SLC14A2: variants seen among roughly 807,000 people sequenced by gnomAD.
SLC14A2 encodes urea transporter 2.
A neutral mutation model predicts 104.6 loss-of-function variants in SLC14A2; 91 were observed. That is an observed-to-expected ratio of 0.87 (90% CI 0.73 to 1.04). The LOEUF is 1.04. Ranked by LOEUF, SLC14A2 falls within the 50% of genes least tolerant of loss-of-function variation. The probability of loss-of-function intolerance (pLI) is 0.00; values close to 1 mark genes in which losing one functional copy is unlikely to be tolerated. For missense variants in SLC14A2, 1,189 were observed against 1,156.0 expected (o/e 1.03, Z -0.41); for synonymous variants, 476 against 466.4 (o/e 1.02, Z -0.27).
chr18:45,328,098 A>G (rs1306271143), intron 1 of SLC14A2, among the ~76,000 whole-genome samples: 1 of 152,168 alleles, frequency 6.6e-6, no homozygotes, highest in Admixed American at 6.5e-5. Context: ...ATGTTGTTCC[A>G]TAAGGATTTT....
At chr18:45,496,098 T>C (rs1328258766) in intron 2 of SLC14A2, among the ~76,000 whole-genome samples, 1 of 152,220 alleles carries the variant, frequency 6.6e-6, no homozygotes, top group East Asian at 1.9e-4. Flanking sequence ...TGAGCAGAGA[T>C]GATTCCCATT....
chr18:45,189,999 G>A, the SLC14A2 span, among the ~76,000 whole-genome samples: 750 of 152,220 alleles, frequency 4.9e-3, 9 homozygotes, highest in African/African-American at 0.017. Context: ...TGATGGTCCT[G>A]GTTTTCCACA....
At chr18:45,217,402 C>G (rs2084020389) in intron 1 of SLC14A2, among the ~76,000 whole-genome samples, 1 of 151,374 alleles carries the variant, frequency 6.6e-6, no homozygotes, top group Non-Finnish European at 1.5e-5. Context: ...AAAAGAAGAA[C>G]AAGTCTCCAC....
intron 1 of SLC14A2, among the ~76,000 whole-genome samples, chr18:45,451,368 C>T (rs1456257321): frequency 6.6e-6 from 1 of 151,798 alleles, no homozygotes. Flanking sequence ...TATCAGAAAG[C>T]AATTCAACAA....
chr18:45,321,231 T>A (rs2085181962), intron 1 of SLC14A2, among the ~76,000 whole-genome samples: 1 of 152,184 alleles, frequency 6.6e-6, no homozygotes, highest in South Asian at 2.1e-4. Flanking sequence ...AATCAGCAGT[T>A]GATACAAGAT....
chr18:45,656,266 C>A (rs535027460), intron 10 of SLC14A2, among the ~76,000 whole-genome samples: 1 of 152,192 alleles, frequency 6.6e-6, no homozygotes, highest in African/African-American at 2.4e-5. Flanking sequence ...GAACACAAAC[C>A]AGACCTTGAA....
At chr18:45,416,944 C>A (rs1005063879) in intron 1 of SLC14A2, among the ~76,000 whole-genome samples, 1 of 152,132 alleles carries the variant, frequency 6.6e-6, no homozygotes, top group African/African-American at 2.4e-5. Flanking sequence ...AAAGGATCAG[C>A]GAGGTCCCAG....
chr18:45,444,134 A>G (rs536407537), intron 1 of SLC14A2, among the ~76,000 whole-genome samples: 48 of 152,334 alleles, frequency 3.2e-4, no homozygotes, highest in African/African-American at 1.1e-3. Flanking sequence ...ATGTATCTGA[A>G]GGCAGACTTT....
intron 1 of SLC14A2, among the ~76,000 whole-genome samples, chr18:45,620,527 T>G (rs1161660375): frequency 6.6e-6 from 1 of 152,208 alleles, no homozygotes; most frequent in Non-Finnish European, 1.5e-5. Context: ...AGAACTTCCC[T>G]TGTGCAATAA....
chr18:45,673,955 A>G (rs1599163874), intron 18 of SLC14A2, 138 bp downstream of exon 18: 3 of 907,168 alleles, frequency 3.3e-6, no homozygotes, highest in African/African-American at 3.3e-5. Context: ...GTTCAGTCAC[A>G]TGAAGACGGT....
rs9966253 is a variant in SLC14A2, at chr18:45,615,838, A to T, written c.-35+256A>T. Among the ~76,000 whole-genome samples, 60,943 of 117,552 alleles carry T rather than the reference A, an allele frequency of 0.52. 12,778 individuals carry two copies. The highest frequency in any genetic ancestry group is 0.63 in the East Asian group (2,904 of 4,606). 77.1% of individuals were successfully genotyped at this position (117,552 alleles called of 152,430 possible). A position where few individuals can be genotyped will look rare whatever the true frequency, so the allele number is the denominator to read the frequency against. ...GTGTATGTGTGTGTGTGTGTGTGTG[A>T]GAGAGAGAGAGAGAGAGAGAGGGAG... On this transcript the variant is annotated intron_variant, in intron 1 of 19. Coordinates refer to ENST00000255226, the MANE Select transcript of SLC14A2 (RefSeq NM_007163.4).
At chr18:45,206,802 G>T in the SLC14A2 span, among the ~76,000 whole-genome samples, 2 of 152,138 alleles carry the variant, frequency 1.3e-5, no homozygotes, top group Non-Finnish European at 2.9e-5. Flanking sequence ...TACCTACAGG[G>T]TGCTGACTTG....
At position 45,625,882 on chromosome 18, in the gene SLC14A2, G is replaced by A. The variant is rs574392062; in HGVS notation, c.331+19G>A. ...CTGAAAGGTAGGAAAATACCCTGGG[G>A]AGAGGCAGCCAGACCAGGCCAGGCC... is the stretch of plus-strand genomic sequence containing the variant. On this transcript the variant is annotated intron_variant, in intron 3 of 19. Coordinates refer to ENST00000255226, the MANE Select transcript of SLC14A2 (RefSeq NM_007163.4). The A allele has an allele frequency of 2.8e-6, 4 of 1,430,328 alleles. No homozygotes were observed. In the East Asian group the frequency reaches 8.2e-5, roughly 29 times the overall value. The allele number at this position is 1,430,328 out of a possible 1,614,324, so 88.6% of individuals were successfully genotyped here.
chr18:45,246,119 G>A lies in SLC14A2; in HGVS notation c.-125+32928G>A, dbSNP rs1265828133. Among the ~76,000 whole-genome samples, 3 of 152,210 alleles carry A rather than the reference G, an allele frequency of 2.0e-5. No individual in the cohort carries two copies. In the East Asian group the frequency reaches 5.8e-4, roughly 29 times the overall value. ...TAAAGTTCAATGAGGTCATAAAGGA[G>A]GGGTCCTAATCTAGTAGGACTTGTA... On this transcript the variant is annotated intron_variant, in intron 1 of 20. Coordinates refer to the SLC14A2 transcript ENST00000586448.
chr18:45,196,853 T>C, the SLC14A2 span, among the ~76,000 whole-genome samples: 3 of 152,200 alleles, frequency 2.0e-5, no homozygotes, highest in African/African-American at 7.2e-5. Context: ...AGAACTAATA[T>C]CCTTGAAATA....
At chr18:45,220,475 T>C (rs1173130412) in intron 1 of SLC14A2, among the ~76,000 whole-genome samples, 1 of 152,226 alleles carries the variant, frequency 6.6e-6, no homozygotes, top group African/African-American at 2.4e-5. Context: ...AGCCACTAAT[T>C]CATCAAACTG....
intron 1 of SLC14A2, among the ~76,000 whole-genome samples, chr18:45,237,397 T>G (rs1405062977): frequency 6.6e-6 from 1 of 152,048 alleles, no homozygotes; most frequent in Non-Finnish European, 1.5e-5. Flanking sequence ...GTTGAAGGAT[T>G]TTGCCCAAGG....
At chr18:45,438,121 C>G (rs909018196) in intron 1 of SLC14A2, 1 of 152,180 alleles carries the variant, frequency 6.6e-6, no homozygotes. Flanking sequence ...TAAAGACTTT[C>G]AGTAAGTATA....
At chr18:45,343,539 A>C (rs894596731) in intron 1 of SLC14A2, among the ~76,000 whole-genome samples, 5 of 152,160 alleles carry the variant, frequency 3.3e-5, no homozygotes, top group Non-Finnish European at 7.3e-5. Context: ...CCATCCAATT[A>C]AAATGTTTTA....
Sources: allele counts gnomAD v4.1 joint callset (sites outside exome capture counted in the v4.1 genomes callset), GRCh38; gene constraint gnomAD v4.1.1; transcripts MANE v1.5; gene names NCBI Gene and HGNC (gene_info 2026-07-23, HGNC 2026-07-21).